ZNF695: variants seen among roughly 807,000 people sequenced by gnomAD.
ZNF695 encodes zinc finger protein SBZF3.
A neutral mutation model predicts 11.2 loss-of-function variants in ZNF695; 11 were observed. The ratio of observed to expected loss-of-function variants is 0.98; its 90% CI spans 0.62 to 1.62. The LOEUF (loss-of-function observed/expected upper bound fraction) is 1.62, where lower values mean the gene tolerates loss of function less well. ZNF695 is among the 40% of genes most tolerant of loss of function. The probability of loss-of-function intolerance (pLI) is 0.00; values close to 1 mark genes in which losing one functional copy is unlikely to be tolerated. For missense variants in ZNF695, 559 were observed against 590.5 expected (o/e 0.95, Z 0.55); for synonymous variants, 190 against 201.4 (o/e 0.94, Z 0.48).
chr1:246,989,469 C>A (rs780024524), intron 3 of ZNF695, among the ~76,000 whole-genome samples: 1 of 152,024 alleles, frequency 6.6e-6, no homozygotes, highest in South Asian at 2.1e-4. Flanking sequence ...AACCAAAAAA[C>A]ATACAATGGA....
At chr1:246,980,476 G>A (rs976093434), downstream of ZNF695, among the ~76,000 whole-genome samples, 4 of 149,234 alleles carry the variant, frequency 2.7e-5, no homozygotes, top group African/African-American at 9.8e-5. Context: ...GAGTGCAGTG[G>A]CGCGATCTCA....
intron 1 of ZNF695, among the ~76,000 whole-genome samples, chr1:247,001,943 A>G (rs899252707): frequency 2.0e-5 from 3 of 152,098 alleles, no homozygotes; most frequent in African/African-American, 7.2e-5. Flanking sequence ...TCAAAGCAGA[A>G]AACTAACAAA....
chr1:246,951,987 C>T lies in ZNF695; in HGVS notation c.489-6160G>A, dbSNP rs148275253. Among the ~76,000 whole-genome samples, 13 of 152,316 alleles carry T rather than the reference C, an allele frequency of 8.5e-5. No individual in the cohort carries two copies. In the East Asian group the frequency reaches 1.2e-3, roughly 14 times the overall value. ...TTTTTGAGACAGGGTCTCGCTCTGT[C>T]GCACATGCTGGAGGGCAGTGGTGTG... On this transcript the variant is annotated intron_variant, in intron 5 of 5. Coordinates refer to the ZNF695 transcript ENST00000487338.
chr1:246,988,959 T>C (rs1324000930), intron 3 of ZNF695, among the ~76,000 whole-genome samples: 4 of 152,072 alleles, frequency 2.6e-5, no homozygotes, highest in Non-Finnish European at 5.9e-5. Flanking sequence ...CCGGGCGTGG[T>C]GGCAGGCGCC....
chr1:247,000,315 G>C (rs1669327028), intron 1 of ZNF695, among the ~76,000 whole-genome samples: 1 of 152,070 alleles, frequency 6.6e-6, no homozygotes, highest in South Asian at 2.1e-4. Context: ...GACCAGCCTG[G>C]CCAACACGGT....
chr1:246,992,687 A>AT (rs1423058214), intron 3 of ZNF695, among the ~76,000 whole-genome samples: 2 of 152,156 alleles, frequency 1.3e-5, no homozygotes, highest in Admixed American at 6.6e-5. Flanking sequence ...GCACCCACAA[A>AT]TTTTTTTAAA....
chr1:246,975,917 T>C (rs989842781), intron 4 of ZNF695, among the ~76,000 whole-genome samples: 5 of 152,062 alleles, frequency 3.3e-5, no homozygotes, highest in Non-Finnish European at 7.4e-5. Flanking sequence ...GAACAACTTA[T>C]TCTATTAGGC....
chr1:246,993,238 C>G (rs1007297389), intron 3 of ZNF695, among the ~76,000 whole-genome samples: 1 of 152,072 alleles, frequency 6.6e-6, no homozygotes, highest in Non-Finnish European at 1.5e-5. Context: ...GAAACCACAT[C>G]TCTACTAAAA....
At chr1:246,995,313 A>T (rs1669167795) in intron 3 of ZNF695, among the ~76,000 whole-genome samples, 1 of 152,212 alleles carries the variant, frequency 6.6e-6, no homozygotes, top group African/African-American at 2.4e-5. Flanking sequence ...AACAACACAC[A>T]CTTGAGCATG....
chr1:247,000,077 G>A lies in ZNF695; in HGVS notation c.4-3C>T. ...ACATCCCTGAATGCCAATAGTCCCTGAAAAAGAAAACATATTTACCAAGTG... is the reference window on the plus strand; with the variant it reads ...ACATCCCTGAATGCCAATAGTCCCTAAAAAAGAAAACATATTTACCAAGTG... On this transcript the variant is annotated splice_region_variant and splice_polypyrimidine_tract_variant and intron_variant, in intron 1 of 3. Transcript: ENST00000339986. The A allele has an allele frequency of 1.3e-6, 2 of 1,596,770 alleles. No homozygotes were observed. Among genetic ancestry groups the A allele is most frequent in the Non-Finnish European group, 1.7e-6 (2 of 1,174,336 alleles).
At chr1:247,006,624 AAAAT>A (rs1437840269) in intron 1 of ZNF695, among the ~76,000 whole-genome samples, 2 of 152,138 alleles carry the variant, frequency 1.3e-5, no homozygotes, top group African/African-American at 2.4e-5. Flanking sequence ...CGTCTCAAAA[AAAAT>A]AAATAAATAA....
chr1:246,974,550 C>A (rs1344114994), intron 4 of ZNF695, among the ~76,000 whole-genome samples: 1 of 152,152 alleles, frequency 6.6e-6, no homozygotes, highest in African/African-American at 2.4e-5. Context: ...GAGTAAATTT[C>A]ATATCATGTG....
intron 5 of ZNF695, among the ~76,000 whole-genome samples, chr1:246,958,462 T>C (rs1166788076): frequency 2.0e-5 from 3 of 152,186 alleles, no homozygotes; most frequent in Non-Finnish European, 4.4e-5. Flanking sequence ...CCATTTATTT[T>C]TCCTTCTCTC....
intron 5 of ZNF695, among the ~76,000 whole-genome samples, chr1:246,948,545 A>C (rs1667795176): frequency 1.3e-5 from 2 of 152,234 alleles, no homozygotes; most frequent in Admixed American, 1.3e-4. Flanking sequence ...TCAATGAAGG[A>C]AACAGTACCT....
At chr1:246,959,425 A>AT (rs1369454872) in intron 5 of ZNF695, among the ~76,000 whole-genome samples, 5 of 139,294 alleles carry the variant, frequency 3.6e-5, no homozygotes, top group Non-Finnish European at 6.1e-5. Flanking sequence ...CAAAATGGGC[A>AT]TTTTTTTTGT....
At chr1:246,981,830 G>T (rs1668717573), downstream of ZNF695, among the ~76,000 whole-genome samples, 1 of 152,170 alleles carries the variant, frequency 6.6e-6, no homozygotes, top group South Asian at 2.1e-4. Context: ...AAGCTACCAT[G>T]ATCTCTGAGA....
At chr1:246,998,383 T>C (rs985094658) in intron 3 of ZNF695, among the ~76,000 whole-genome samples, 9 of 152,216 alleles carry the variant, frequency 5.9e-5, no homozygotes, top group Non-Finnish European at 2.9e-5. Flanking sequence ...TATTAAACTA[T>C]ATAACAGCTG....
At chr1:246,948,440 G>A (rs1286312049) in intron 5 of ZNF695, among the ~76,000 whole-genome samples, 1 of 151,922 alleles carries the variant, frequency 6.6e-6, no homozygotes, top group Admixed American at 6.6e-5. Context: ...ACGAGGCTGC[G>A]AGGAGATAAG....
chr1:246,976,554 G>A (rs1182840710), intron 4 of ZNF695, among the ~76,000 whole-genome samples: 1 of 151,892 alleles, frequency 6.6e-6, no homozygotes, highest in East Asian at 1.9e-4. Flanking sequence ...CAGCACTTTG[G>A]GAGGCCAAGG....
Sources: gnomAD v4.1 joint callset for allele counts (sites outside exome capture counted in the v4.1 genomes callset) on GRCh38, gnomAD v4.1.1 for gene constraint, MANE v1.5 for transcripts, NCBI Gene and HGNC (gene_info 2026-07-23, HGNC 2026-07-21) for gene names.